Variants in PLEKHA6 observed in about 807,000 individuals in gnomAD.
PLEKHA6 encodes pleckstrin homology domain containing A6.
A neutral mutation model predicts 116.7 loss-of-function variants in PLEKHA6; 60 were observed. The observed-to-expected ratio is 0.51, with a 90% CI of 0.42 to 0.64. The LOEUF (loss-of-function observed/expected upper bound fraction) is 0.64. PLEKHA6 is among the 30% of genes least tolerant of loss of function. PLEKHA6 has a pLI of 0.00. For missense variants in PLEKHA6, 1,338 were observed against 1,422.7 expected, an observed-to-expected ratio of 0.94 and a Z score of 0.96; for synonymous variants, 489 against 556.1, an observed-to-expected ratio of 0.88 and a Z score of 1.70.
At position 204,259,640 on chromosome 1, in the gene PLEKHA6, C is replaced by G. The variant is rs748200724; in HGVS notation, c.625G>C (p.Gly209Arg). The G allele has an allele frequency of 6.2e-7, 1 of 1,614,194 alleles. No individual in the cohort carries two copies. The highest frequency in any genetic ancestry group is 8.5e-7 in the Non-Finnish European group (1 of 1,180,040). ...PKPEPEAKTR[G>R]EGDGRGCEKA... ...TCACAGCCTCGGCCATCACCCTCCC[C>G]TCGAGTCTTGGCCTCTGGCTCAGGC... Residue 209 changes from glycine to arginine, a missense_variant, in exon 8 of 23, where the codon GGG becomes CGG. Transcript: ENST00000272203. The surrounding 1 kb of genome is among the most constrained non-coding windows in gnomAD (Gnocchi z 4.6).
chr1:204,371,850 G>T (rs1420859406), intron 1 of PLEKHA6, among the ~76,000 whole-genome samples: 1 of 152,190 alleles, frequency 6.6e-6, no homozygotes, highest in African/African-American at 2.4e-5. Context: ...GGAAACAAAT[G>T]CATAAAAAGA....
intron 9 of PLEKHA6, among the ~76,000 whole-genome samples, chr1:204,254,976 A>G (rs954481160): frequency 2.6e-5 from 4 of 152,216 alleles, no homozygotes; most frequent in Non-Finnish European, 2.9e-5. Flanking sequence ...GAGACCAGGC[A>G]GCCACTGCTT....
At chr1:204,369,798 G>A in intron 2 of PLEKHA6, 1 of 152,184 alleles carries the variant, frequency 6.6e-6, no homozygotes, top group East Asian at 1.9e-4. Context: ...GAGGTGGAAG[G>A]ACTCAACCTG....
intron 3 of PLEKHA6, 135 bp downstream of exon 3, chr1:204,273,491 G>C (rs1667687259): frequency 7.5e-6 from 5 of 665,718 alleles, no homozygotes; most frequent in Non-Finnish European, 1.3e-5. Context: ...CTCTCTTCCT[G>C]GGTCACCTTG....
At chr1:204,243,293 A>T (rs568834602) in intron 15 of PLEKHA6, 1 of 399,700 alleles carries the variant, frequency 2.5e-6, no homozygotes, top group East Asian at 3.6e-5. Flanking sequence ...GAGCATTAGG[A>T]GGAACAAGAG....
At position 204,318,043 on chromosome 1, in the gene PLEKHA6, C is replaced by T. The variant is rs959745477; in HGVS notation, c.-95+41651G>A. On this transcript the variant is annotated intron_variant, in intron 1 of 22. Transcript: ENST00000272203. Reference sequence around the variant, plus strand: ...ATGAGTGCATGTGTGTGTACACGTGCGTGCATGAATATCTTTGCTTACAAG... The same window carrying T: ...ATGAGTGCATGTGTGTGTACACGTGTGTGCATGAATATCTTTGCTTACAAG... 4.6e-5 allele frequency among the ~76,000 whole-genome samples: 7 copies of T among 152,288 alleles called. No individual in the cohort carries two copies. The South Asian group carries it at 6.2e-4, about 14-fold the overall frequency.
Position 204,223,502 on chromosome 1 carries a change from C to T in PLEKHA6, c.3115G>A (p.Gly1039Ser). Residue 1039 changes from glycine (G) to serine (S), a missense_variant, in exon 22 of 23, where the codon GGC becomes AGC. This residue lies in a region of PLEKHA6 where 1,136 missense variants were observed against 1,163.6 expected (regional missense o/e 0.98). Coordinates refer to ENST00000272203, the MANE Select transcript of PLEKHA6 (RefSeq NM_014935.5). This position sits in a 1 kb window ranked among gnomAD's most constrained non-coding sequence, Gnocchi z 4.8. ...CGCATGGTATAGCTGCTGTCGGCGC[C>T]CCGTGGGGATTCAGACGACAGGGGG... ...ANPLSSESPR[G>S]ADSSYTMRV 1.3e-6 allele frequency: 2 copies of T among 1,550,238 alleles called. No individual in the cohort carries two copies. Among genetic ancestry groups the T allele is most frequent in the Non-Finnish European group, 1.7e-6 (2 of 1,145,824 alleles).
At chr1:204,300,057 G>A (rs4531346) in intron 1 of PLEKHA6, among the ~76,000 whole-genome samples, 30,753 of 152,144 alleles carry the variant, frequency 0.2, 3,590 homozygotes, top group Non-Finnish European at 0.26. Flanking sequence ...TTAGAAGATA[G>A]AAGAGGGAGG....
rs1165351044 is a variant in PLEKHA6 at position 204,261,214 on chromosome 1, C to T, written c.524+92G>A. 5 of 1,463,782 alleles carry T rather than the reference C, an allele frequency of 3.4e-6. No homozygotes were observed. Among genetic ancestry groups the T allele is most frequent in the African/African-American group, 2.8e-5 (2 of 72,018 alleles). 90.7% of individuals were successfully genotyped at this position (1,463,782 alleles called of 1,614,324 possible). On this transcript the variant is annotated intron_variant, in intron 7 of 22. Coordinates refer to ENST00000272203, the MANE Select transcript of PLEKHA6 (RefSeq NM_014935.5). The surrounding 1 kb of genome is among the most constrained non-coding windows in gnomAD (Gnocchi z 4.0). ...CATTCTCCAGGGCTTCAAGTAGGCA[C>T]ACTGGGATTAGCAATGGCCCAGAGC... is the stretch of plus-strand genomic sequence containing the variant.
rs893102943 is a variant in PLEKHA6, at chr1:204,257,181, G to A, written c.1524+172C>T. 2.6e-5 allele frequency among the ~76,000 whole-genome samples: 4 copies of A among 152,266 alleles called. No homozygotes were observed. The South Asian group carries it at 8.3e-4, about 31-fold the overall frequency. On this transcript the variant is annotated intron_variant, in intron 9 of 22. Transcript: ENST00000272203. The surrounding 1 kb of genome is among the most constrained non-coding windows in gnomAD (Gnocchi z 6.5). Reference sequence around the variant, plus strand: ...CCATCCCCAAGACAGCTCTCCTACAGACAGAACCACAGGCCAGGGGCTCCG... The same window carrying A: ...CCATCCCCAAGACAGCTCTCCTACAAACAGAACCACAGGCCAGGGGCTCCG...
At chr1:204,331,001 C>A (rs1672427076) in intron 1 of PLEKHA6, among the ~76,000 whole-genome samples, 2 of 152,120 alleles carry the variant, frequency 1.3e-5, no homozygotes, top group Admixed American at 1.3e-4. Context: ...TCGAGACCAG[C>A]CTGGCCAACA....
chr1:204,234,846 A>C (rs1386809273), intron 17 of PLEKHA6, among the ~76,000 whole-genome samples: 1 of 150,932 alleles, frequency 6.6e-6, no homozygotes, highest in African/African-American at 2.4e-5. Context: ...CATCAAACTG[A>C]AGTTCTTCAG....
intron 9 of PLEKHA6, among the ~76,000 whole-genome samples, chr1:204,252,885 G>A (rs1232194472): frequency 6.6e-6 from 1 of 152,216 alleles, no homozygotes; most frequent in Non-Finnish European, 1.5e-5. Context: ...TAACCTGTAG[G>A]TATCTCATTC....
intron 21 of PLEKHA6, among the ~76,000 whole-genome samples, chr1:204,224,812 G>A (rs1375229530): frequency 6.6e-6 from 1 of 152,088 alleles, no homozygotes; most frequent in Non-Finnish European, 1.5e-5. Context: ...ACACACATTC[G>A]TGTGCATAGC....
chr1:204,242,652 G>GT (rs1214118473), intron 15 of PLEKHA6, among the ~76,000 whole-genome samples: 1 of 152,196 alleles, frequency 6.6e-6, no homozygotes, highest in Admixed American at 6.5e-5. Context: ...AAAAGGGCCT[G>GT]TATCCTTATA....
intron 1 of PLEKHA6, among the ~76,000 whole-genome samples, chr1:204,295,281 G>A (rs1558152066): frequency 6.6e-6 from 1 of 152,092 alleles, no homozygotes; most frequent in African/African-American, 2.4e-5. Flanking sequence ...CCTGAGGTCT[G>A]GAGTTCAAGT....
At position 204,241,780 on chromosome 1, in the gene PLEKHA6, G is replaced by A; in HGVS notation, c.2207C>T (p.Pro736Leu). 1 of 1,614,182 alleles carries A rather than the reference G, an allele frequency of 6.2e-7. No homozygotes were observed. ...GGTGTCCAGGGGCAATGTCTGGTGG[G>A]GGTCTTTCTTGCTTTGTTCATAGTT... ...KANYEQSKKD[P>L]HQTLPLDTPR... Residue 736 changes from proline (P) to leucine (L), a missense_variant, in exon 16 of 23, where the codon CCC (proline) becomes CTC (leucine). By Grantham distance (98) the Pro-to-Leu change is moderately conservative. Transcript: ENST00000272203.
chr1:204,259,214 C>T lies in PLEKHA6; in HGVS notation c.1007+44G>A, dbSNP rs2102757031. On this transcript the variant is annotated intron_variant, in intron 8 of 22. Transcript: ENST00000272203. The surrounding 1 kb of genome is among the most constrained non-coding windows in gnomAD (Gnocchi z 4.6). The stretch of plus-strand genomic sequence containing the variant: ...TATGACCCCACTCGCACGCTCTAGC[C>T]ATAATACCATATCAGCCCCACCCCA... 1 of 1,595,846 alleles carries T rather than the reference C, an allele frequency of 6.3e-7. No individual in the cohort carries two copies. The highest frequency in any genetic ancestry group is 2.2e-5 in the East Asian group (1 of 44,744).
chr1:204,377,800 C>CAGCGTCGCTCCCGGGTCCCT (rs1443741002), upstream of PLEKHA6: 3 of 152,948 alleles, frequency 2.0e-5, no homozygotes, highest in Non-Finnish European at 2.9e-5. Flanking sequence ...GCCGGGCTGG[C>CAGCGTCGCTCCCGGGTCCCT]GGCGTCGCTC....
Sources: gnomAD v4.1 joint callset for allele counts (sites outside exome capture counted in the v4.1 genomes callset) on GRCh38, gnomAD v4.1.1 for gene constraint, gnomAD v4.1.1 regional missense constraint, Gnocchi (gnomAD v3.1) non-coding constraint, MANE v1.5 for transcripts, NCBI Gene and HGNC (gene_info 2026-07-23, HGNC 2026-07-21) for gene names.